CSPP1: variants seen among roughly 807,000 people sequenced by gnomAD.
CSPP1 encodes the protein centrosome and spindle pole associated protein 1, also known as centrosome and spindle pole-associated protein 1.
In CSPP1, 126 loss-of-function variants were observed where a neutral mutation model predicts 164.4. That is an observed-to-expected ratio of 0.77 (90% CI 0.66 to 0.89). The LOEUF (loss-of-function observed/expected upper bound fraction) is 0.89, where lower values mean the gene tolerates loss of function less well. CSPP1 is among the 40% of genes least tolerant of loss of function. The probability of loss-of-function intolerance (pLI) is 0.00; values close to 1 mark genes in which losing one functional copy is unlikely to be tolerated. For synonymous variants in CSPP1, 472 were observed against 476.7 expected (o/e 0.99, Z 0.13); for missense variants, 1,395 against 1,449.8 (o/e 0.96, Z 0.61).
chr8:67,161,832 A>T lies in CSPP1; in HGVS notation c.2560A>T (p.Ile854Leu). The T allele has an allele frequency of 6.2e-7, 1 of 1,613,138 alleles. No individual in the cohort carries two copies. The highest frequency in any genetic ancestry group is 8.5e-7 in the Non-Finnish European group (1 of 1,179,550). Residue 854 changes from isoleucine (I) to leucine (L), a missense_variant, in exon 22 of 31, where the codon ATA becomes TTA. Ile to Leu is a conservative substitution (Grantham distance 5). Coordinates refer to ENST00000678616, the MANE Select transcript of CSPP1 (RefSeq NM_001382391.1). ...ETKHMRQPSP[I>L]VPALQNKIAS... is the part of the protein sequence containing the mutation. ...TCAGCACATGAGACAGCCTTCTCCT[A>T]TAGTTCCTGCTCTTCAGAACAAAAT...
intron 2 of CSPP1, 75 bp downstream of exon 2, chr8:67,074,426 C>A: frequency 1.2e-6 from 1 of 831,658 alleles, no homozygotes; most frequent in Non-Finnish European, 1.9e-6. Context: ...AAATACAAAA[C>A]ATCCTCTTCT....
chr8:67,084,402 C>A (rs1014494648), intron 3 of CSPP1: 1 of 152,190 alleles, frequency 6.6e-6, no homozygotes, highest in Non-Finnish European at 1.5e-5. Flanking sequence ...ATTACACTGG[C>A]CTTTTCCCTG....
intron 1 of CSPP1, chr8:67,069,104 A>G (rs1244877728): frequency 2.0e-5 from 3 of 152,238 alleles, no homozygotes; most frequent in East Asian, 1.9e-4. Context: ...TCTTACCACG[A>G]TACCACAGGG....
Position 67,064,393 on chromosome 8 carries a change from T to G in CSPP1, c.-156T>G, listed in dbSNP as rs753458356. ...GAGGGGCGGAGCCCCGGCCCGGAGG[T>G]CTGTCATGCTGTTCCCGCTCCAGGT... is the stretch of plus-strand genomic sequence containing the variant. On this transcript the variant is annotated 5_prime_UTR_variant, in exon 1 of 31. Transcript: ENST00000678616. 7.4e-6 allele frequency: 12 copies of G among 1,612,278 alleles called. No homozygotes were observed. Among genetic ancestry groups the G allele is most frequent in the Middle Eastern group, 1.7e-4 (1 of 5,942 alleles).
At chr8:67,168,446 G>A (rs933617216) in intron 24 of CSPP1, among the ~76,000 whole-genome samples, 4 of 152,000 alleles carry the variant, frequency 2.6e-5, no homozygotes, top group Non-Finnish European at 4.4e-5. Flanking sequence ...CTCGAGCAGC[G>A]CCTCAATTTT....
chr8:67,107,335 A>G (rs1433445613), intron 9 of CSPP1, among the ~76,000 whole-genome samples: 1 of 152,224 alleles, frequency 6.6e-6, no homozygotes, highest in Non-Finnish European at 1.5e-5. Context: ...GGCGTGAGCC[A>G]CTGTTCCCGG....
chr8:67,104,949 C>CATATAT lies in CSPP1; in HGVS notation c.1023-943_1023-938dup, dbSNP rs201503845. Among the ~76,000 whole-genome samples, 240 of 83,184 alleles carry CATATAT rather than the reference C, an allele frequency of 2.9e-3. 7 individuals carry two copies. Among genetic ancestry groups the CATATAT allele is most frequent in the African/African-American group, 0.011 (193 of 17,314 alleles). The allele number at this position is 83,184 out of a possible 152,430, so 54.6% of individuals were successfully genotyped here. ...GCCACTGCTCCCGGTCTTACATGCA[C>CATATAT]ATATATATATATATATATTTTTTTT... On this transcript the variant is annotated intron_variant, in intron 8 of 30. Transcript: ENST00000678616.
At chr8:67,184,414 A>G (rs1471208281) in intron 28 of CSPP1, among the ~76,000 whole-genome samples, 1 of 152,232 alleles carries the variant, frequency 6.6e-6, no homozygotes. Context: ...AGCTAATAAA[A>G]GAGAAGACAC....
rs1256749857 is a variant in CSPP1, at chr8:67,195,643, T to TA, written c.*53dup. Reference sequence around the variant, plus strand: ...GTGCCTTTTAAGGTGAAAGGAATGGTAAATCTGTACCTTTAATATGTCCTA... The same window carrying TA: ...GTGCCTTTTAAGGTGAAAGGAATGGTAAAATCTGTACCTTTAATATGTCCTA... On this transcript the variant is annotated 3_prime_UTR_variant, in exon 31 of 31. Transcript: ENST00000678616. 6 of 1,507,746 alleles carry TA rather than the reference T, an allele frequency of 4.0e-6. No individual in the cohort carries two copies. Among genetic ancestry groups the TA allele is most frequent in the Non-Finnish European group, 5.5e-6 (6 of 1,089,996 alleles). The allele number at this position is 1,507,746 out of a possible 1,614,324, so 93.4% of individuals were successfully genotyped here. A position where few individuals can be genotyped will look rare whatever the true frequency, so the allele number is the denominator to read the frequency against.
chr8:67,171,677 A>T (rs982192524), intron 24 of CSPP1, among the ~76,000 whole-genome samples: 3 of 151,900 alleles, frequency 2.0e-5, no homozygotes, highest in Non-Finnish European at 4.4e-5. Flanking sequence ...CCTCCCGAGT[A>T]GGTGGTACTA....
intron 12 of CSPP1, among the ~76,000 whole-genome samples, chr8:67,115,491 C>G (rs116323672): frequency 0.012 from 1,888 of 152,126 alleles, 38 homozygotes; most frequent in African/African-American, 0.044. Context: ...ACCAGCCTTG[C>G]CAACGTGGCG....
intron 3 of CSPP1, chr8:67,084,157 G>A (rs1809897935): frequency 6.6e-6 from 1 of 152,142 alleles, no homozygotes. Flanking sequence ...CCTTCAAAAG[G>A]AAACAGTTCC....
At chr8:67,121,983 AT>A (rs1563614240) in intron 15 of CSPP1, among the ~76,000 whole-genome samples, 1 of 151,844 alleles carries the variant, frequency 6.6e-6, no homozygotes. Context: ...GTCCTTTCTT[AT>A]TTTTAAAAGA....
chr8:67,124,651 C>T (rs928485330), intron 15 of CSPP1, among the ~76,000 whole-genome samples: 9 of 151,738 alleles, frequency 5.9e-5, no homozygotes, highest in Non-Finnish European at 1.2e-4. Context: ...CAGGTGCATA[C>T]CACCAATGCT....
At chr8:67,130,994 A>C (rs951891887) in intron 15 of CSPP1, among the ~76,000 whole-genome samples, 3 of 152,232 alleles carry the variant, frequency 2.0e-5, no homozygotes, top group Admixed American at 6.5e-5. Context: ...GTCTCAAAAC[A>C]AAAGAAAACA....
intron 28 of CSPP1, among the ~76,000 whole-genome samples, chr8:67,185,553 G>C (rs1834342034): frequency 6.6e-6 from 1 of 152,212 alleles, no homozygotes; most frequent in South Asian, 2.1e-4. Flanking sequence ...TCTGTCGGTT[G>C]ATGTGTGCTT....
rs1563712547 is a variant in CSPP1 at position 67,159,919 on chromosome 8, T to TCTTTCTTC, written c.2538+787_2538+788insTTCCTTTC. ...TTCTTTCTTTCTTTCTTTCTTTCTTTCTTTCCTTTCCTTCCTTCCTTCCTT... is the reference window on the plus strand; with the variant it reads ...TTCTTTCTTTCTTTCTTTCTTTCTTTCTTTCTTCCTTTCCTTTCCTTCCTTCCTTCCTT... On this transcript the variant is annotated intron_variant, in intron 21 of 30. Transcript: ENST00000678616. Among the ~76,000 whole-genome samples the TCTTTCTTC allele has an allele frequency of 1.3e-4, 8 of 59,360 alleles. 1 individual carries two copies. The highest frequency in any genetic ancestry group is 7.8e-4 in the Admixed American group (4 of 5,160). The allele number at this position is 59,360 out of a possible 152,430, so 38.9% of individuals were successfully genotyped here. A position where few individuals can be genotyped will look rare whatever the true frequency, so the allele number is the denominator to read the frequency against.
At chr8:67,144,806 C>T (rs566524543) in intron 17 of CSPP1, among the ~76,000 whole-genome samples, 178 of 151,906 alleles carry the variant, frequency 1.2e-3, no homozygotes, top group African/African-American at 4.0e-3. Flanking sequence ...TGGCGGCTCA[C>T]GCCTGTAATC....
intron 15 of CSPP1, among the ~76,000 whole-genome samples, chr8:67,119,535 C>T (rs139081997): frequency 7.2e-5 from 11 of 152,228 alleles, no homozygotes; most frequent in South Asian, 2.1e-4. Flanking sequence ...AATTTCTCCA[C>T]GTCTTTGCCA....
Sources: gnomAD v4.1 joint callset for allele counts (sites outside exome capture counted in the v4.1 genomes callset) on GRCh38, gnomAD v4.1.1 for gene constraint, MANE v1.5 for transcripts, NCBI Gene and HGNC (gene_info 2026-07-23, HGNC 2026-07-21) for gene names.